The following STK33 variants were observed in gnomAD, a reference collection of about 807,000 sequenced individuals.
STK33 encodes serine/threonine kinase 33, also known as serine/threonine-protein kinase 33.
Under a neutral mutation model 58.0 loss-of-function variants are expected in STK33, and 52 were observed. The ratio of observed to expected loss-of-function variants is 0.90; its 90% CI spans 0.72 to 1.13. STK33 has a LOEUF of 1.13. Among genes scored for constraint, STK33 ranks in the 50% most tolerant of loss-of-function variants. The pLI, the probability that STK33 is intolerant of heterozygous loss-of-function variation, is 0.00. For missense variants in STK33, 630 were observed against 604.2 expected, an observed-to-expected ratio of 1.04 and a Z score of -0.45; for synonymous variants, 215 against 200.1, an observed-to-expected ratio of 1.07 and a Z score of -0.63.
chr11:8,531,468 G>C lies in STK33; in HGVS notation c.-465-50854C>G, dbSNP rs184630542. On this transcript the variant is annotated intron_variant, in intron 1 of 15. Coordinates refer to ENST00000687296, the MANE Select transcript of STK33 (RefSeq NM_001352389.2). The stretch of plus-strand genomic sequence containing the variant: ...GTTTGTCATGTGATTACGTTGAGAT[G>C]ACAGCTGGGTTGGAGCTCTGTGAAA... Among the ~76,000 whole-genome samples, 135 of 152,336 alleles carry C rather than the reference G, an allele frequency of 8.9e-4. 1 individual carries two copies. The highest frequency in any genetic ancestry group is 6.8e-3 in the Middle Eastern group (2 of 294).
chr11:8,338,088 C>A, the STK33 span, among the ~76,000 whole-genome samples: 10 of 152,232 alleles, frequency 6.6e-5, no homozygotes, highest in African/African-American at 2.2e-4. Context: ...GCTTCTGCCC[C>A]TTTTGTTCAC....
At chr11:8,514,547 A>T (rs951059473) in intron 1 of STK33, among the ~76,000 whole-genome samples, 2 of 152,226 alleles carry the variant, frequency 1.3e-5, no homozygotes, top group African/African-American at 4.8e-5. Context: ...AATACAGTCT[A>T]AAGTCCACCA....
chr11:8,377,316 A>G, the STK33 span, among the ~76,000 whole-genome samples: 6 of 152,262 alleles, frequency 3.9e-5, no homozygotes, highest in Admixed American at 6.5e-5. Flanking sequence ...AAACTGGCCA[A>G]TTAAAACACA....
chr11:8,368,509 G>A, the STK33 span, among the ~76,000 whole-genome samples: 1 of 152,194 alleles, frequency 6.6e-6, no homozygotes, highest in Admixed American at 6.5e-5. Context: ...CCGGCCTGTC[G>A]CCTCTCCCCT....
chr11:8,538,632 C>A (rs921593687), intron 1 of STK33, among the ~76,000 whole-genome samples: 3 of 152,098 alleles, frequency 2.0e-5, no homozygotes, highest in Non-Finnish European at 2.9e-5. Flanking sequence ...TTTAGAAAAA[C>A]AAAAGGCTCA....
the STK33 span, among the ~76,000 whole-genome samples, chr11:8,370,993 C>T: frequency 2.0e-5 from 3 of 152,050 alleles, no homozygotes; most frequent in Non-Finnish European, 4.4e-5. Context: ...TGCCCTGGAC[C>T]GAAGCTGAGG....
chr11:8,353,113 A>G, the STK33 span, among the ~76,000 whole-genome samples: 1 of 152,230 alleles, frequency 6.6e-6, no homozygotes, highest in African/African-American at 2.4e-5. Flanking sequence ...TGGAGGACAC[A>G]GAGAAACCCC....
chr11:8,343,535 CCCGCACACTCGGGCA>C, the STK33 span, among the ~76,000 whole-genome samples: 1 of 152,144 alleles, frequency 6.6e-6, no homozygotes, highest in Admixed American at 6.5e-5. Flanking sequence ...CTGGAAATCC[CCCGCACACTCGGGCA>C]GAAAGAACAG....
At chr11:8,502,469 A>G (rs1018703628) in intron 1 of STK33, among the ~76,000 whole-genome samples, 1 of 152,228 alleles carries the variant, frequency 6.6e-6, no homozygotes, top group Non-Finnish European at 1.5e-5. Context: ...TATACCATAT[A>G]CAAAAATCAA....
rs188669357 is a variant in STK33 at position 8,491,122 on chromosome 11, A to C, written c.-465-10508T>G. Among the ~76,000 whole-genome samples the C allele has an allele frequency of 1.8e-3, 276 of 152,316 alleles. 1 individual carries two copies. The highest frequency in any genetic ancestry group is 6.3e-3 in the African/African-American group (263 of 41,574). On this transcript the variant is annotated intron_variant, in intron 1 of 15. Coordinates refer to ENST00000687296, the MANE Select transcript of STK33 (RefSeq NM_001352389.2). ...CAAGTTGACAGAAGTAGGCTTCAGA[A>C]GGTCAGGAATAAGAAACTTCTCCAA...
chr11:8,490,165 A>C (rs1950500696), intron 1 of STK33, among the ~76,000 whole-genome samples: 1 of 152,224 alleles, frequency 6.6e-6, no homozygotes. Flanking sequence ...TTTCCTAGCC[A>C]AGGGAAACTG....
rs143519548 is a variant in STK33, at chr11:8,507,312, G to A, written c.-465-26698C>T. 4.1e-3 allele frequency among the ~76,000 whole-genome samples: 618 copies of A among 152,266 alleles called. 5 individuals are homozygous for A. The highest frequency in any genetic ancestry group is 0.014 in the African/African-American group (589 of 41,562). On this transcript the variant is annotated intron_variant, in intron 1 of 15. Transcript: ENST00000687296. ...AATTCTGGCCACTTACTAAGCCTGTGATCTTAATCCACTTAATCTATTTGT... is the reference window on the plus strand; with the variant it reads ...AATTCTGGCCACTTACTAAGCCTGTAATCTTAATCCACTTAATCTATTTGT...
the STK33 span, among the ~76,000 whole-genome samples, chr11:8,370,014 C>T: frequency 1.3e-5 from 2 of 152,198 alleles, no homozygotes; most frequent in African/African-American, 4.8e-5. Flanking sequence ...CAGGCCCTTC[C>T]GTGTTAACAA....
chr11:8,385,988 A>G, the STK33 span, among the ~76,000 whole-genome samples: 2 of 147,280 alleles, frequency 1.4e-5, no homozygotes, highest in Non-Finnish European at 3.0e-5. Context: ...GTTAGCCAGG[A>G]TGGTCTCGAT....
intron 15 of STK33, among the ~76,000 whole-genome samples, chr11:8,394,191 A>G (rs1273533215): frequency 1.3e-5 from 2 of 152,156 alleles, no homozygotes; most frequent in African/African-American, 2.4e-5. Context: ...TTGTATTTTT[A>G]TCGAAAACTC....
intron 1 of STK33, among the ~76,000 whole-genome samples, chr11:8,530,628 T>C (rs1431204061): frequency 6.6e-6 from 1 of 152,136 alleles, no homozygotes; most frequent in Non-Finnish European, 1.5e-5. Flanking sequence ...CTTAATAGGA[T>C]GCCGTGAAAG....
At chr11:8,368,731 T>C in the STK33 span, among the ~76,000 whole-genome samples, 3 of 152,226 alleles carry the variant, frequency 2.0e-5, no homozygotes, top group Non-Finnish European at 4.4e-5. Context: ...TGGTTAGCCT[T>C]GTTTCCCTGC....
chr11:8,581,498 T>C (rs1256302051), intron 1 of STK33, among the ~76,000 whole-genome samples: 2 of 152,138 alleles, frequency 1.3e-5, no homozygotes, highest in East Asian at 3.9e-4. Context: ...ATGATGACTT[T>C]CGGTTTCACA....
intron 1 of STK33, among the ~76,000 whole-genome samples, chr11:8,574,963 T>G (rs945351822): frequency 5.3e-5 from 8 of 152,032 alleles, no homozygotes; most frequent in African/African-American, 1.9e-4. Flanking sequence ...GAGGATCACT[T>G]GAGCCCAGGA....
Sources: allele counts gnomAD v4.1 joint callset (sites outside exome capture counted in the v4.1 genomes callset), GRCh38; gene constraint gnomAD v4.1.1; transcripts MANE v1.5; gene names NCBI Gene and HGNC (gene_info 2026-07-23, HGNC 2026-07-21).